SV2B: variants seen among roughly 807,000 people sequenced by gnomAD.
SV2B encodes synaptic vesicle glycoprotein 2B, also known as solute carrier family 22 member B2.
SV2B carries 41 observed loss-of-function variants against 73.9 expected under a neutral mutation model. That is an observed-to-expected ratio of 0.56 (90% CI 0.43 to 0.72). SV2B has a LOEUF of 0.72. Ranked by LOEUF, SV2B falls within the 30% of genes least tolerant of loss-of-function variation. The probability of loss-of-function intolerance (pLI) is 0.00; values close to 1 mark genes in which losing one functional copy is unlikely to be tolerated. For synonymous variants in SV2B, 314 were observed against 314.2 expected (o/e 1.00, Z 0.01); for missense variants, 764 against 857.8 (o/e 0.89, Z 1.37).
In SV2B at chr15:91,112,215, G is replaced by A. The variant is rs1422278840; in HGVS notation, c.-392+11852G>A. 3.3e-5 allele frequency among the ~76,000 whole-genome samples: 5 copies of A among 152,248 alleles called. No homozygotes were observed. The South Asian group carries it at 8.3e-4, about 25-fold the overall frequency. On this transcript the variant is annotated intron_variant, in intron 1 of 12. Transcript: ENST00000394232. Reference sequence around the variant, plus strand: ...AGCAGGACGCCCACTAGAATCTCTTGTGGGTTTAAATGTTGTCACCAGATG... The same window carrying A: ...AGCAGGACGCCCACTAGAATCTCTTATGGGTTTAAATGTTGTCACCAGATG...
Position 91,140,310 on chromosome 15 carries a change from A to G in SV2B, c.-392+39947A>G, listed in dbSNP as rs2042961869. Reference sequence around the variant, plus strand: ...CCAGGTAATTCTATAAATAAAGTCTAATAAAAGTCATTCATCAATTATCCA... The same window carrying G: ...CCAGGTAATTCTATAAATAAAGTCTGATAAAAGTCATTCATCAATTATCCA... On this transcript the variant is annotated intron_variant, in intron 1 of 12. Coordinates refer to ENST00000394232, the MANE Select transcript of SV2B (RefSeq NM_001323032.3). The surrounding 1 kb of genome is among the most constrained non-coding windows in gnomAD (Gnocchi z 4.4). Among the ~76,000 whole-genome samples the G allele has an allele frequency of 6.6e-6, 1 of 152,268 alleles. No individual in the cohort carries two copies. Among genetic ancestry groups the G allele is most frequent in the South Asian group, 2.1e-4 (1 of 4,834 alleles).
chr15:91,300,290 A>T lies in SV2B; in HGVS notation c.*7738A>T, dbSNP rs928938581. ...AGATTTGGTCTCAGCTTTTTGGTCC[A>T]TCTGAATCCTGGAAGTCCCCAACTC... On this transcript the variant is annotated 3_prime_UTR_variant, in exon 13 of 13. Coordinates refer to ENST00000394232, the MANE Select transcript of SV2B (RefSeq NM_001323032.3). 6.6e-6 allele frequency: 1 copy of T among 152,138 alleles called. No homozygotes were observed. Among genetic ancestry groups the T allele is most frequent in the African/African-American group, 2.4e-5 (1 of 41,430 alleles). 9.4% of individuals were successfully genotyped at this position (152,138 alleles called of 1,614,324 possible).
At chr15:91,149,843 T>G (rs2043257654) in intron 1 of SV2B, among the ~76,000 whole-genome samples, 1 of 152,192 alleles carries the variant, frequency 6.6e-6, no homozygotes, top group African/African-American at 2.4e-5. Context: ...CCCAAGAAGA[T>G]GACCTTTCAA....
In SV2B at chr15:91,281,858, A is replaced by G; in HGVS notation, c.1504A>G (p.Thr502Ala). 6.2e-7 allele frequency: 1 copy of G among 1,609,210 alleles called. No homozygotes were observed. The highest frequency in any genetic ancestry group is 8.5e-7 in the Non-Finnish European group (1 of 1,177,314). Residue 502 changes from threonine (T) to alanine (A), a missense_variant, in exon 10 of 13, where the codon ACA (threonine) becomes GCA (alanine). Physicochemically the swap from Thr to Ala is moderately conservative, Grantham distance 58. Transcript: ENST00000394232. The surrounding 1 kb of genome is among the most constrained non-coding windows in gnomAD (Gnocchi z 4.7). Reference protein sequence around the residue: ...CTIESTIFYNTDLYEHKFINC... With the variant: ...CTIESTIFYNADLYEHKFINC... ...CATTGAATCAACCATCTTTTACAAC[A>G]CAGGTAGGTAAGAACATTGACAGAT...
At chr15:91,149,225 G>T (rs1042074306) in intron 1 of SV2B, among the ~76,000 whole-genome samples, 1 of 152,238 alleles carries the variant, frequency 6.6e-6, no homozygotes, top group Non-Finnish European at 1.5e-5. Flanking sequence ...GCCTGAGGAT[G>T]CCTGCAGGCA....
intron 1 of SV2B, among the ~76,000 whole-genome samples, chr15:91,114,665 C>A (rs1036430754): frequency 3.3e-5 from 5 of 152,184 alleles, no homozygotes; most frequent in African/African-American, 1.2e-4. Flanking sequence ...TGTTTTCTTG[C>A]AGCAGCTTTA....
chr15:91,252,963 G>A lies in SV2B; in HGVS notation c.784+443G>A, dbSNP rs773540488. 1.3e-5 allele frequency among the ~76,000 whole-genome samples: 2 copies of A among 152,154 alleles called. No homozygotes were observed. Among genetic ancestry groups the A allele is most frequent in the South Asian group, 4.1e-4 (2 of 4,830 alleles). On this transcript the variant is annotated intron_variant, in intron 4 of 12. Coordinates refer to ENST00000394232, the MANE Select transcript of SV2B (RefSeq NM_001323032.3). This position sits in a 1 kb window ranked among gnomAD's most constrained non-coding sequence, Gnocchi z 4.6. ...CTGGCATGTGGTGGAGTGGGGGCTG[G>A]AGTCCTGATGTCCCCTCAGGTGCAG...
intron 1 of SV2B, among the ~76,000 whole-genome samples, chr15:91,190,202 G>A (rs978643152): frequency 1.3e-5 from 2 of 152,092 alleles, no homozygotes. Context: ...CATGTGCCAT[G>A]TTGGTGTGCT....
At chr15:91,254,882 A>G (rs1306339537) in intron 4 of SV2B, among the ~76,000 whole-genome samples, 1 of 152,216 alleles carries the variant, frequency 6.6e-6, no homozygotes, top group East Asian at 1.9e-4. Context: ...TCATGGGGAA[A>G]GCCCGCCCTC....
At chr15:91,209,107 G>GTTTTTTTT (rs1362781398) in intron 1 of SV2B, among the ~76,000 whole-genome samples, 7 of 121,964 alleles carry the variant, frequency 5.7e-5, no homozygotes, top group African/African-American at 2.6e-4. Flanking sequence ...TGGCAGTACT[G>GTTTTTTTT]TTTTTTGTTT....
chr15:91,235,637 TTGAATG>T lies in SV2B; in HGVS notation c.451+8927_451+8932del, dbSNP rs199828773. ...ATACAGATTCAGTATGGATTTAGCT[TTGAATG>T]TGACACTTTCCCCACTTGTCTACTG... On this transcript the variant is annotated intron_variant, in intron 2 of 12. Transcript: ENST00000394232. Among the ~76,000 whole-genome samples the T allele has an allele frequency of 1.4e-4, 22 of 152,298 alleles. No homozygotes were observed. In the East Asian group the frequency reaches 4.0e-3, roughly 28 times the overall value.
At position 91,226,106 on chromosome 15, in the gene SV2B, G is replaced by GA. The variant is rs370426422; in HGVS notation, c.-158_-157insA. ...AAATCTGGTTGATTTGAGAGATAAA[G>GA]GGGGGGGGAACCAGTGTGACTTTCA... On this transcript the variant is annotated 5_prime_UTR_variant, in exon 2 of 13. Transcript: ENST00000394232. 2 of 600,036 alleles carry GA rather than the reference G, an allele frequency of 3.3e-6. No individual in the cohort carries two copies. The highest frequency in any genetic ancestry group is 5.5e-6 in the Non-Finnish European group (2 of 361,530). 37.2% of individuals were successfully genotyped at this position (600,036 alleles called of 1,614,324 possible). A position where few individuals can be genotyped will look rare whatever the true frequency, so the allele number is the denominator to read the frequency against.
chr15:91,209,124 T>G (rs1469603184), intron 1 of SV2B, among the ~76,000 whole-genome samples: 98 of 137,528 alleles, frequency 7.1e-4, no homozygotes, highest in African/African-American at 1.3e-3. Context: ...GTTTTTTTTT[T>G]TTTTTTTTTT....
At chr15:91,213,043 C>T (rs2045919642) in intron 1 of SV2B, among the ~76,000 whole-genome samples, 1 of 151,262 alleles carries the variant, frequency 6.6e-6, no homozygotes, top group African/African-American at 2.4e-5. Flanking sequence ...ATCCCAGCTG[C>T]TTGGGAGGCT....
chr15:91,254,617 A>G lies in SV2B; in HGVS notation c.784+2097A>G, dbSNP rs118075415. On this transcript the variant is annotated intron_variant, in intron 4 of 12. Transcript: ENST00000394232. ...AAATCTAAATAAAAGCTGAATCCAAATAGTGGTGCTGTGTGATATGGGACA... is the reference window on the plus strand; with the variant it reads ...AAATCTAAATAAAAGCTGAATCCAAGTAGTGGTGCTGTGTGATATGGGACA... Among the ~76,000 whole-genome samples, 585 of 152,288 alleles carry G rather than the reference A, an allele frequency of 3.8e-3. 17 individuals carry two copies. In the East Asian group the frequency reaches 0.092, roughly 24 times the overall value.
At chr15:91,158,679 C>CTCTTT (rs2043584596) in intron 1 of SV2B, among the ~76,000 whole-genome samples, 1 of 75,968 alleles carries the variant, frequency 1.3e-5, no homozygotes, top group East Asian at 5.4e-4. Context: ...CTCTTCTCTT[C>CTCTTT]TCTTCTCTTC....
chr15:91,195,425 G>T (rs2045209738), intron 1 of SV2B, among the ~76,000 whole-genome samples: 1 of 152,198 alleles, frequency 6.6e-6, no homozygotes, highest in Admixed American at 6.5e-5. Context: ...CTCCCAAAGT[G>T]CTGGGATTAC....
rs2048167260 is a variant in SV2B at position 91,268,062 on chromosome 15, C to G, written c.1209-379C>G. On this transcript the variant is annotated intron_variant, in intron 8 of 12. Transcript: ENST00000394232. The surrounding 1 kb of genome is among the most constrained non-coding windows in gnomAD (Gnocchi z 4.4). ...AAGTGATCTGCCTTCCTTGGCCTCC[C>G]AAAGTGCTGGGATTACAGGTGTGAG... Among the ~76,000 whole-genome samples the G allele has an allele frequency of 6.6e-6, 1 of 152,170 alleles. No individual in the cohort carries two copies. Among genetic ancestry groups the G allele is most frequent in the Non-Finnish European group, 1.5e-5 (1 of 68,036 alleles).
chr15:91,116,019 G>A (rs2042169435), intron 1 of SV2B, among the ~76,000 whole-genome samples: 3 of 152,084 alleles, frequency 2.0e-5, no homozygotes, highest in Non-Finnish European at 4.4e-5. Flanking sequence ...ATTATTATAT[G>A]CTTCAGAATT....
Sources: gnomAD v4.1 joint callset for allele counts (sites outside exome capture counted in the v4.1 genomes callset) on GRCh38, gnomAD v4.1.1 for gene constraint, Gnocchi (gnomAD v3.1) non-coding constraint, MANE v1.5 for transcripts, NCBI Gene and HGNC (gene_info 2026-07-23, HGNC 2026-07-21) for gene names.